The following DRAM1 variants were observed in gnomAD, a reference collection of about 807,000 sequenced individuals.
DRAM1 encodes DNA damage regulated autophagy modulator 1, also known as DNA damage-regulated autophagy modulator protein 1.
A neutral mutation model predicts 28.5 loss-of-function variants in DRAM1; 25 were observed. The ratio of observed to expected loss-of-function variants is 0.88; its 90% CI spans 0.64 to 1.23. The LOEUF (loss-of-function observed/expected upper bound fraction) is 1.23, where lower values mean the gene tolerates loss of function less well. Ranked by LOEUF, DRAM1 falls within the 50% of genes most tolerant of loss-of-function variation. DRAM1 has a pLI of 0.00. For synonymous variants in DRAM1, 113 were observed against 114.2 expected (o/e 0.99, Z 0.07); for missense variants, 249 against 299.2 (o/e 0.83, Z 1.24).
chr12:101,908,479 G>A lies in DRAM1; in HGVS notation c.520+116G>A, dbSNP rs183963379. The A allele has an allele frequency of 4.4e-5, 47 of 1,059,744 alleles. No individual in the cohort carries two copies. The East Asian group carries it at 7.1e-4, about 16-fold the overall frequency. The allele number at this position is 1,059,744 out of a possible 1,614,324, so 65.6% of individuals were successfully genotyped here. The stretch of plus-strand genomic sequence containing the variant: ...CTGCAATGAGTTCTGACAGCAGGGC[G>A]GAGAGATTGGGCTCAACTCTGAATA... On this transcript the variant is annotated intron_variant, in intron 4 of 6. Transcript: ENST00000258534.
chr12:101,920,374 C>T (rs1271868887), intron 6 of DRAM1, among the ~76,000 whole-genome samples, 173 bp downstream of exon 6: 4 of 69,846 alleles, frequency 5.7e-5, no homozygotes, highest in Admixed American at 3.8e-4. Flanking sequence ...GGCGCAATCT[C>T]GGCTCACTGC....
chr12:101,901,070 A>C (rs561610187), intron 2 of DRAM1, among the ~76,000 whole-genome samples: 1 of 144,084 alleles, frequency 6.9e-6, no homozygotes, highest in East Asian at 2.0e-4. Flanking sequence ...AAAGGACAAC[A>C]GCCAAGGGGT....
intron 5 of DRAM1, among the ~76,000 whole-genome samples, chr12:101,916,826 G>A (rs141127102): frequency 2.2e-3 from 339 of 152,306 alleles, no homozygotes; most frequent in African/African-American, 8.0e-3. Context: ...GGTGGCCATG[G>A]GATAGAGGAT....
chr12:101,877,912 G>A lies in DRAM1; in HGVS notation c.123G>A (p.Pro41=), dbSNP rs575072244. Reference sequence around the variant, plus strand: ...CCGGGCACGTCAACCCCTTCCTCCCGTATATCAGGTGAGTGGCAGGGTGGG... The same window carrying A: ...CCGGGCACGTCAACCCCTTCCTCCCATATATCAGGTGAGTGGCAGGGTGGG... ...VLSGHVNPFL[P]YISDTGTTPP... is the part of the protein sequence containing the mutation. Residue 41 remains proline, a synonymous_variant, in exon 1 of 7, where the codon CCG becomes CCA. Transcript: ENST00000258534. This position sits in a 1 kb window ranked among gnomAD's most constrained non-coding sequence, Gnocchi z 4.1. 2 of 1,533,594 alleles carry A rather than the reference G, an allele frequency of 1.3e-6. No homozygotes were observed. Among genetic ancestry groups the A allele is most frequent in the African/African-American group, 2.7e-5 (2 of 72,962 alleles). The allele number at this position is 1,533,594 out of a possible 1,614,324, so 95.0% of individuals were successfully genotyped here.
intron 3 of DRAM1, among the ~76,000 whole-genome samples, chr12:101,905,536 C>T (rs780427946): frequency 6.6e-6 from 1 of 152,044 alleles, no homozygotes; most frequent in African/African-American, 2.4e-5. Flanking sequence ...CCTGCCTTGG[C>T]CTCCCAAAGT....
intron 3 of DRAM1, among the ~76,000 whole-genome samples, chr12:101,907,099 C>G (rs1223437930): frequency 6.9e-6 from 1 of 144,468 alleles, no homozygotes; most frequent in African/African-American, 2.6e-5. Context: ...CAGCTACTTG[C>G]TGGGCTGGGA....
At chr12:101,895,186 G>GTTTTTTTTTTTTTTGTTTTTTTTTTT (rs1873301395) in intron 1 of DRAM1, among the ~76,000 whole-genome samples, 4 of 75,720 alleles carry the variant, frequency 5.3e-5, no homozygotes, top group Admixed American at 1.8e-4. Context: ...AACCCTTCAG[G>GTTTTTTTTTTTTTTGTTTTTTTTTTT]TTTTTTTTTT....
intron 1 of DRAM1, among the ~76,000 whole-genome samples, chr12:101,895,186 G>GTTTTTTTTTTTTTTGTTTTTTTTTT (rs1873301395): frequency 9.2e-5 from 7 of 75,720 alleles, no homozygotes; most frequent in South Asian, 5.4e-4. Context: ...AACCCTTCAG[G>GTTTTTTTTTTTTTTGTTTTTTTTTT]TTTTTTTTTT....
At chr12:101,884,760 C>T (rs1405035919) in intron 1 of DRAM1, among the ~76,000 whole-genome samples, 2 of 152,120 alleles carry the variant, frequency 1.3e-5, no homozygotes, top group African/African-American at 4.8e-5. Flanking sequence ...AAAGGAGGAA[C>T]AAAATTGCAG....
rs148816571 is a variant in DRAM1 at position 101,898,739 on chromosome 12, C to G, written c.199+809C>G. ...GCACTCTAGGGGACTTGGTTTCTCA[C>G]TAAAGTTTGAGGACCATTGACAAAG... is the stretch of plus-strand genomic sequence containing the variant. On this transcript the variant is annotated intron_variant, in intron 2 of 6. Coordinates refer to ENST00000258534, the MANE Select transcript of DRAM1 (RefSeq NM_018370.3). Among the ~76,000 whole-genome samples, 26 of 152,254 alleles carry G rather than the reference C, an allele frequency of 1.7e-4. No homozygotes were observed. In the East Asian group the frequency reaches 5.0e-3, roughly 29 times the overall value.
At chr12:101,896,077 G>A (rs1166176343) in intron 1 of DRAM1, among the ~76,000 whole-genome samples, 1 of 150,950 alleles carries the variant, frequency 6.6e-6, no homozygotes, top group Non-Finnish European at 1.5e-5. Context: ...TAGTAGAGAT[G>A]GGATTTCATC....
chr12:101,892,604 A>G (rs1205299224), intron 1 of DRAM1, among the ~76,000 whole-genome samples: 1 of 152,034 alleles, frequency 6.6e-6, no homozygotes, highest in African/African-American at 2.4e-5. Context: ...ATTGTTCTTA[A>G]AAGTTTTGAA....
chr12:101,884,767 G>T (rs912993963), intron 1 of DRAM1, among the ~76,000 whole-genome samples: 28 of 152,154 alleles, frequency 1.8e-4, no homozygotes, highest in African/African-American at 6.0e-4. Context: ...GAACAAAATT[G>T]CAGAGTAAAT....
chr12:101,914,812 A>G (rs913689940), intron 5 of DRAM1, among the ~76,000 whole-genome samples: 2 of 149,192 alleles, frequency 1.3e-5, no homozygotes, highest in African/African-American at 5.0e-5. Flanking sequence ...CGTGCGCCAC[A>G]TGCCTGGCTA....
chr12:101,879,957 C>T (rs1872633828), intron 1 of DRAM1, among the ~76,000 whole-genome samples: 1 of 151,316 alleles, frequency 6.6e-6, no homozygotes, highest in East Asian at 2.0e-4. Flanking sequence ...AGCTACTGCA[C>T]TCCAGCCTGG....
chr12:101,885,503 A>G (rs1257244781), intron 1 of DRAM1, among the ~76,000 whole-genome samples: 1 of 150,004 alleles, frequency 6.7e-6, no homozygotes, highest in African/African-American at 2.5e-5. Flanking sequence ...AAATGTCTGA[A>G]GACTCCAATT....
intron 3 of DRAM1, among the ~76,000 whole-genome samples, chr12:101,903,821 A>G: frequency 6.6e-6 from 1 of 151,780 alleles, no homozygotes; most frequent in East Asian, 1.9e-4. Flanking sequence ...CCCAGCACTT[A>G]GGGAAGCCAA....
intron 3 of DRAM1, 137 bp from the exon 4 acceptor site, chr12:101,908,049 A>T: frequency 1.4e-6 from 1 of 728,332 alleles, no homozygotes; most frequent in South Asian, 2.2e-5. Flanking sequence ...TTCTTTTGGT[A>T]GTCAAACAGC....
intron 1 of DRAM1, among the ~76,000 whole-genome samples, chr12:101,896,727 C>T (rs1566124528): frequency 1.3e-5 from 2 of 152,004 alleles, no homozygotes; most frequent in African/African-American, 2.4e-5. Context: ...TTAATATACC[C>T]TAGATACCCT....
Sources: allele counts gnomAD v4.1 joint callset (sites outside exome capture counted in the v4.1 genomes callset), GRCh38; gene constraint gnomAD v4.1.1; non-coding constraint Gnocchi (gnomAD v3.1); transcripts MANE v1.5; gene names NCBI Gene and HGNC (gene_info 2026-07-23, HGNC 2026-07-21).